Variants in PLXNA4 observed in about 807,000 individuals in gnomAD.
PLXNA4 encodes plexin A4, also known as plexin-A4.
In PLXNA4, 44 loss-of-function variants were observed where a neutral mutation model predicts 191.8. The ratio of observed to expected loss-of-function variants is 0.23; its 90% CI spans 0.18 to 0.29. The LOEUF (loss-of-function observed/expected upper bound fraction) is 0.29, where lower values mean the gene tolerates loss of function less well. Ranked by LOEUF, PLXNA4 falls within the 10% of genes least tolerant of loss-of-function variation. The pLI, the probability that PLXNA4 is intolerant of heterozygous loss-of-function variation, is 1.00. For missense variants in PLXNA4, 1,800 were observed against 2,488.8 expected, an observed-to-expected ratio of 0.72 and a Z score of 5.89; for synonymous variants, 1,082 against 1,009.5, an observed-to-expected ratio of 1.07 and a Z score of -1.36.
intron 3 of PLXNA4, among the ~76,000 whole-genome samples, chr7:132,431,631 G>A (rs1795264483): frequency 6.6e-6 from 1 of 152,130 alleles, no homozygotes; most frequent in Admixed American, 6.5e-5. Flanking sequence ...TGACCTGCAA[G>A]AGGGCTCACT....
At chr7:132,361,353 G>T (rs867159727) in intron 3 of PLXNA4, among the ~76,000 whole-genome samples, 2 of 152,094 alleles carry the variant, frequency 1.3e-5, no homozygotes, top group Non-Finnish European at 2.9e-5. Flanking sequence ...TAGGTACCTC[G>T]TGGGCTACAG....
Position 132,576,287 on chromosome 7 carries a change from G to T in PLXNA4, c.-87+135C>A. ...TGTGCCGGTGTGGATCTGTGTGTGT[G>T]CCTGCGTGTGTGCGTGTGCGTGTGC... is the stretch of plus-strand genomic sequence containing the variant. On this transcript the variant is annotated intron_variant, in intron 1 of 31. Coordinates refer to ENST00000321063, the MANE Select transcript of PLXNA4 (RefSeq NM_020911.2). The surrounding 1 kb of genome is among the most constrained non-coding windows in gnomAD (Gnocchi z 5.8). 1 of 607,478 alleles carries T rather than the reference G, an allele frequency of 1.6e-6. No individual in the cohort carries two copies. Among genetic ancestry groups the T allele is most frequent in the Non-Finnish European group, 2.1e-6 (1 of 484,774 alleles). The allele number at this position is 607,478 out of a possible 1,614,324, so 37.6% of individuals were successfully genotyped here.
intron 31 of PLXNA4, among the ~76,000 whole-genome samples, chr7:132,132,450 CTGT>C (rs1195407007): frequency 0.014 from 669 of 47,950 alleles, 25 homozygotes; most frequent in Non-Finnish European, 0.016. Context: ...CTGTTCTGTT[CTGT>C]TCTGTTCTGT....
intron 1 of PLXNA4, among the ~76,000 whole-genome samples, chr7:132,550,025 C>T (rs1392953761): frequency 2.0e-5 from 3 of 152,120 alleles, no homozygotes; most frequent in African/African-American, 4.8e-5. Flanking sequence ...GTTTGGAGCA[C>T]CAACCCAGAC....
Position 132,189,030 on chromosome 7 carries a change from AAGAG to A in PLXNA4, c.2857-1427_2857-1424del, listed in dbSNP as rs3085197. Among the ~76,000 whole-genome samples the A allele has an allele frequency of 8.9e-4, 55 of 61,936 alleles. 2 individuals are homozygous for A. The highest frequency in any genetic ancestry group is 2.3e-3 in the East Asian group (5 of 2,132). The allele number at this position is 61,936 out of a possible 152,430, so 40.6% of individuals were successfully genotyped here. On this transcript the variant is annotated intron_variant, in intron 14 of 31. Transcript: ENST00000321063. ...AGAGAGAGAGAGAGAGAGAGAGAGAAAGAGAGAGAGAGAGAGAGAGAGAGAGAGA... is the reference window on the plus strand; with the variant it reads ...AGAGAGAGAGAGAGAGAGAGAGAGAAAGAGAGAGAGAGAGAGAGAGAGAGA...
Position 132,516,795 on chromosome 7 carries a change from TA to T in PLXNA4, c.-86-8017del, listed in dbSNP as rs541358228. The stretch of plus-strand genomic sequence containing the variant: ...CAATATAGTGAAACCCTGTCTCTAC[TA>T]AAAAACAATTAGCTGGGCATGGTGG... On this transcript the variant is annotated intron_variant, in intron 1 of 31. Transcript: ENST00000321063. Among the ~76,000 whole-genome samples, 12 of 152,174 alleles carry T rather than the reference TA, an allele frequency of 7.9e-5. No homozygotes were observed. The East Asian group carries it at 1.9e-3, about 25-fold the overall frequency.
intron 20 of PLXNA4, among the ~76,000 whole-genome samples, chr7:132,176,284 G>A (rs1796453415): frequency 6.6e-6 from 1 of 152,236 alleles, no homozygotes; most frequent in Admixed American, 6.5e-5. Context: ...AGACACAGGG[G>A]TTCCTGATAT....
At chr7:132,305,037 CT>C (rs1472568191) in intron 3 of PLXNA4, among the ~76,000 whole-genome samples, 1 of 152,216 alleles carries the variant, frequency 6.6e-6, no homozygotes, top group Non-Finnish European at 1.5e-5. Context: ...AGCAGGACCC[CT>C]GGTACCCCTG....
At chr7:132,555,287 T>A (rs557538063) in intron 1 of PLXNA4, among the ~76,000 whole-genome samples, 32 of 152,338 alleles carry the variant, frequency 2.1e-4, no homozygotes, top group African/African-American at 7.7e-4. Context: ...GAGGTCATAC[T>A]CTGACAGAGA....
chr7:132,276,470 C>T (rs1015732258), intron 4 of PLXNA4, among the ~76,000 whole-genome samples: 1 of 152,096 alleles, frequency 6.6e-6, no homozygotes, highest in Non-Finnish European at 1.5e-5. Context: ...TCCCTTGGCG[C>T]CCTGCCTGTT....
At chr7:132,525,760 C>T (rs917677282) in intron 1 of PLXNA4, among the ~76,000 whole-genome samples, 1 of 152,192 alleles carries the variant, frequency 6.6e-6, no homozygotes, top group Non-Finnish European at 1.5e-5. Flanking sequence ...CTGAGAAGAA[C>T]ACCAGTCCCT....
intron 2 of PLXNA4, among the ~76,000 whole-genome samples, chr7:132,495,296 A>C (rs1225714922): frequency 6.6e-6 from 1 of 152,194 alleles, no homozygotes; most frequent in Non-Finnish European, 1.5e-5. Flanking sequence ...CAATGGCCCA[A>C]ATGCAGTGCT....
intron 4 of PLXNA4, among the ~76,000 whole-genome samples, chr7:132,280,431 G>A (rs566224273): frequency 5.9e-5 from 9 of 152,312 alleles, no homozygotes; most frequent in Middle Eastern, 3.4e-3. Context: ...ATTCATATCC[G>A]TGAAAACTGC....
chr7:132,525,945 G>C (rs1400863255), intron 1 of PLXNA4, among the ~76,000 whole-genome samples: 2 of 152,144 alleles, frequency 1.3e-5, no homozygotes, highest in African/African-American at 4.8e-5. Context: ...GTTTGACCAA[G>C]GAAGTTTTTC....
rs1203361372 is a variant in PLXNA4, at chr7:132,477,395, C to T, written c.1371+11897G>A. On this transcript the variant is annotated intron_variant, in intron 3 of 31. Coordinates refer to ENST00000321063, the MANE Select transcript of PLXNA4 (RefSeq NM_020911.2). The stretch of plus-strand genomic sequence containing the variant: ...GGCACGGTTCTGCCATCTCTCTTTT[C>T]CTTTGGCCATGAGATCAACATGTCC... Among the ~76,000 whole-genome samples the T allele has an allele frequency of 2.0e-5, 3 of 152,190 alleles. No homozygotes were observed. The East Asian group carries it at 5.8e-4, about 29-fold the overall frequency.
chr7:132,485,226 C>A (rs1585205334), intron 3 of PLXNA4, among the ~76,000 whole-genome samples: 1 of 152,318 alleles, frequency 6.6e-6, no homozygotes, highest in African/African-American at 2.4e-5. Flanking sequence ...CCGCAACAGG[C>A]TAATAGCAGG....
Position 132,148,611 on chromosome 7 carries a change from G to A in PLXNA4, c.4696C>T (p.Gln1566Ter). Residue 1566 changes from glutamine (Q) to a stop codon, truncating the protein, a stop_gained, in exon 26 of 32, where the codon CAG becomes TAG. Transcript: ENST00000321063. LOFTEE classifies it high-confidence loss of function. ...RQGSGARMIL[Q>*]DEDITTKIEN... The stretch of plus-strand genomic sequence containing the variant: ...ATCTTGGTGGTGATGTCTTCATCCT[G>A]CAAGATCATCCTTGCCCCACTTCCT... 6.2e-7 allele frequency: 1 copy of A among 1,614,104 alleles called. No individual in the cohort carries two copies. Among genetic ancestry groups the A allele is most frequent in the Non-Finnish European group, 8.5e-7 (1 of 1,180,010 alleles).
chr7:132,238,359 A>T (rs1037051441), intron 5 of PLXNA4, among the ~76,000 whole-genome samples: 11 of 152,174 alleles, frequency 7.2e-5, no homozygotes, highest in African/African-American at 2.7e-4. Flanking sequence ...TGTTCCAGCG[A>T]CTTTATGGAA....
At chr7:132,385,399 A>G in intron 3 of PLXNA4, 1 of 1,398,338 alleles carries the variant, frequency 7.2e-7, no homozygotes, top group Non-Finnish European at 9.4e-7. Context: ...AATATGTATT[A>G]CAGTTCTGAA....
Sources: allele counts gnomAD v4.1 joint callset (sites outside exome capture counted in the v4.1 genomes callset), GRCh38; gene constraint gnomAD v4.1.1; non-coding constraint Gnocchi (gnomAD v3.1); transcripts MANE v1.5; gene names NCBI Gene and HGNC (gene_info 2026-07-23, HGNC 2026-07-21).